DLGAP2: variants seen among roughly 807,000 people sequenced by gnomAD.
DLGAP2 encodes the protein disks large-associated protein 2.
A neutral mutation model predicts 100.3 loss-of-function variants in DLGAP2; 26 were observed. The observed-to-expected ratio is 0.26, with a 90% CI of 0.19 to 0.36. The LOEUF (loss-of-function observed/expected upper bound fraction) is 0.36, where lower values mean the gene tolerates loss of function less well. Ranked by LOEUF, DLGAP2 falls within the 10% of genes least tolerant of loss-of-function variation. The pLI is 1.00. For synonymous variants in DLGAP2, 886 were observed against 630.1 expected (o/e 1.41, Z -6.08); for missense variants, 1,858 against 1,453.2 (o/e 1.28, Z -4.53).
At chr8:1,005,978 C>G (rs1417199945) in intron 2 of DLGAP2, among the ~76,000 whole-genome samples, 1 of 152,066 alleles carries the variant, frequency 6.6e-6, no homozygotes, top group East Asian at 1.9e-4. Context: ...ATCACGAGGT[C>G]AAGAGATCAA....
chr8:961,901 C>A (rs896092267), intron 2 of DLGAP2, among the ~76,000 whole-genome samples: 3 of 152,192 alleles, frequency 2.0e-5, no homozygotes, highest in Non-Finnish European at 4.4e-5. Flanking sequence ...ACCTTTTGAT[C>A]ACCATGTGGA....
At chr8:1,446,553 T>C (rs961151589) in intron 3 of DLGAP2, among the ~76,000 whole-genome samples, 4 of 152,146 alleles carry the variant, frequency 2.6e-5, no homozygotes, top group African/African-American at 7.2e-5. Flanking sequence ...TCTTTTGGCT[T>C]AGGATTGACT....
intron 4 of DLGAP2, among the ~76,000 whole-genome samples, chr8:1,506,556 G>T (rs1006992838): frequency 6.6e-6 from 1 of 152,202 alleles, no homozygotes; most frequent in African/African-American, 2.4e-5. Context: ...GCAAGATTTA[G>T]TGCATACAGC....
chr8:1,203,610 T>A (rs1477739920), intron 2 of DLGAP2, among the ~76,000 whole-genome samples: 1 of 152,210 alleles, frequency 6.6e-6, no homozygotes, highest in Admixed American at 6.5e-5. Flanking sequence ...CTCGTTTGAA[T>A]GTACTTCCTA....
chr8:1,371,933 C>T (rs1445555241), intron 3 of DLGAP2, among the ~76,000 whole-genome samples: 1 of 152,228 alleles, frequency 6.6e-6, no homozygotes, highest in Non-Finnish European at 1.5e-5. Flanking sequence ...TGCCACTTTT[C>T]TCTGAAAAGA....
intron 3 of DLGAP2, among the ~76,000 whole-genome samples, chr8:1,269,509 G>A (rs919268096): frequency 6.6e-6 from 1 of 152,146 alleles, no homozygotes; most frequent in African/African-American, 2.4e-5. Context: ...TATGTGACTG[G>A]GAGAAGTAAG....
intron 2 of DLGAP2, among the ~76,000 whole-genome samples, chr8:913,274 A>G (rs1197943246): frequency 6.6e-6 from 1 of 152,142 alleles, no homozygotes; most frequent in East Asian, 1.9e-4. Flanking sequence ...CCATTGTTGA[A>G]ATGTTAGGAA....
chr8:1,530,372 G>A (rs1316773641), intron 4 of DLGAP2, among the ~76,000 whole-genome samples: 3 of 152,112 alleles, frequency 2.0e-5, no homozygotes, highest in African/African-American at 2.4e-5. Flanking sequence ...CCAGCTCACC[G>A]GTGGTCAGAG....
At chr8:1,329,157 G>T (rs1197480731) in intron 3 of DLGAP2, among the ~76,000 whole-genome samples, 2 of 152,252 alleles carry the variant, frequency 1.3e-5, no homozygotes, top group African/African-American at 4.8e-5. Flanking sequence ...ACTGGGCCCA[G>T]ATCAGCCTGG....
At chr8:1,257,722 G>C (rs1346488442) in intron 2 of DLGAP2, among the ~76,000 whole-genome samples, 1 of 151,928 alleles carries the variant, frequency 6.6e-6, no homozygotes, top group African/African-American at 2.4e-5. Flanking sequence ...GTGTCCTCCC[G>C]AGGGCCCGTG....
At chr8:1,234,335 G>A (rs73670682) in intron 2 of DLGAP2, among the ~76,000 whole-genome samples, 7,274 of 152,156 alleles carry the variant, frequency 0.048, 590 homozygotes, top group African/African-American at 0.16. Flanking sequence ...GAGCCTGTGA[G>A]GGAAGTACGT....
intron 6 of DLGAP2, among the ~76,000 whole-genome samples, chr8:1,617,600 T>C (rs555978233): frequency 6.6e-6 from 1 of 152,360 alleles, no homozygotes; most frequent in East Asian, 1.9e-4. Context: ...TCCTTATAGA[T>C]GCTGGGTATT....
At chr8:837,686 G>A (rs1044000061) in intron 1 of DLGAP2, among the ~76,000 whole-genome samples, 72 of 149,034 alleles carry the variant, frequency 4.8e-4, no homozygotes, top group African/African-American at 1.4e-3. Context: ...GTGTGTGTGT[G>A]TATATAATAT....
intron 3 of DLGAP2, among the ~76,000 whole-genome samples, chr8:1,475,477 C>G (rs536811799): frequency 6.6e-6 from 1 of 152,266 alleles, no homozygotes; most frequent in East Asian, 1.9e-4. Context: ...AATGAGAGCA[C>G]TCCGCACCCC....
chr8:1,198,117 C>T (rs1389717026), intron 2 of DLGAP2, among the ~76,000 whole-genome samples: 1 of 147,164 alleles, frequency 6.8e-6, no homozygotes, highest in Admixed American at 6.7e-5. Flanking sequence ...TACGTGTGTG[C>T]GTGTGTGCGT....
chr8:1,261,675 C>G (rs903474668), intron 3 of DLGAP2, among the ~76,000 whole-genome samples: 1 of 152,134 alleles, frequency 6.6e-6, no homozygotes, highest in Admixed American at 6.5e-5. Flanking sequence ...TGCAGTTGCT[C>G]CAGATCAGGG....
chr8:982,485 C>G (rs944779548), intron 2 of DLGAP2, among the ~76,000 whole-genome samples: 3 of 152,104 alleles, frequency 2.0e-5, no homozygotes, highest in African/African-American at 2.4e-5. Context: ...GGGCTTTTCT[C>G]TAGAAAGAGT....
chr8:893,125 T>G (rs1312620514), intron 1 of DLGAP2: 1 of 152,184 alleles, frequency 6.6e-6, no homozygotes, highest in African/African-American at 2.4e-5. Context: ...AGTTCGGAAG[T>G]GGAACCGAGG....
rs140733806 is a variant in DLGAP2, at chr8:1,678,028, G to C, written c.2289-186G>C. ...ACTTAGGCAGATGTTAAAGTATAAT[G>C]ATTTGCAAAACCAAATGTTCTTCCA... On this transcript the variant is annotated intron_variant, in intron 11 of 14. Coordinates refer to ENST00000637795, the MANE Select transcript of DLGAP2 (RefSeq NM_001346810.2). 6.1e-3 allele frequency among the ~76,000 whole-genome samples: 927 copies of C among 152,290 alleles called. 7 individuals carry two copies. Among genetic ancestry groups the C allele is most frequent in the Non-Finnish European group, 0.011 (744 of 68,018 alleles).
Sources: allele counts gnomAD v4.1 joint callset (sites outside exome capture counted in the v4.1 genomes callset), GRCh38; gene constraint gnomAD v4.1.1; transcripts MANE v1.5; gene names NCBI Gene and HGNC (gene_info 2026-07-23, HGNC 2026-07-21).